Variants in SLC9A4 observed in about 807,000 individuals in gnomAD.
The protein encoded by SLC9A4 is sodium/hydrogen exchanger 4.
SLC9A4 carries 63 observed loss-of-function variants against 67.4 expected under a neutral mutation model. The observed-to-expected ratio is 0.93, with a 90% confidence interval of 0.76 to 1.15. SLC9A4 has a LOEUF of 1.15. Ranked by LOEUF, SLC9A4 falls within the 50% of genes most tolerant of loss-of-function variation. SLC9A4 has a pLI of 0.00. For missense variants in SLC9A4, 1,089 were observed against 987.7 expected (o/e 1.10, Z -1.38); for synonymous variants, 393 against 367.2 (o/e 1.07, Z -0.80).
At chr2:102,518,659 T>A (rs1685328340) in intron 8 of SLC9A4, among the ~76,000 whole-genome samples, 1 of 152,192 alleles carries the variant, frequency 6.6e-6, no homozygotes, top group African/African-American at 2.4e-5. Flanking sequence ...ATATCTTTTA[T>A]CAAATGTACA....
At chr2:102,527,757 A>C (rs1451128947) in intron 11 of SLC9A4, among the ~76,000 whole-genome samples, 1 of 152,236 alleles carries the variant, frequency 6.6e-6, no homozygotes, top group East Asian at 1.9e-4. Context: ...ACTTTTGAGT[A>C]ATCTGTGATA....
intron 2 of SLC9A4, among the ~76,000 whole-genome samples, chr2:102,498,007 G>C (rs1322597854): frequency 6.6e-6 from 1 of 152,150 alleles, no homozygotes; most frequent in Non-Finnish European, 1.5e-5. Flanking sequence ...TGGAAGGCTT[G>C]GAAAATCTGT....
intron 11 of SLC9A4, among the ~76,000 whole-genome samples, chr2:102,529,018 C>T (rs530810430): frequency 2.0e-4 from 31 of 152,274 alleles, no homozygotes; most frequent in African/African-American, 7.2e-4. Context: ...ATGCAGGATA[C>T]GCATATGAAC....
chr2:102,518,598 T>C (rs1238183768), intron 8 of SLC9A4, among the ~76,000 whole-genome samples: 2 of 152,230 alleles, frequency 1.3e-5, no homozygotes, highest in African/African-American at 4.8e-5. Flanking sequence ...ACAGATAGCA[T>C]TGCTAAACAA....
chr2:102,480,347 C>A (rs1187512911), intron 2 of SLC9A4, among the ~76,000 whole-genome samples: 1 of 149,774 alleles, frequency 6.7e-6, no homozygotes, highest in Non-Finnish European at 1.5e-5. Context: ...TATAACAAGT[C>A]TTTCCGTGTC....
intron 1 of SLC9A4, among the ~76,000 whole-genome samples, chr2:102,477,864 A>T (rs759381): frequency 0.77 from 116,836 of 152,078 alleles, 45,810 homozygotes; most frequent in African/African-American, 0.89. Context: ...TGAGCTCTGA[A>T]CTCTCACCAT....
intron 2 of SLC9A4, among the ~76,000 whole-genome samples, chr2:102,496,503 G>A (rs1684813791): frequency 6.6e-6 from 1 of 152,198 alleles, no homozygotes; most frequent in African/African-American, 2.4e-5. Context: ...GATATACCTA[G>A]TTTTTTAGAA....
At chr2:102,516,507 AGAT>A (rs1341168558) in intron 8 of SLC9A4, among the ~76,000 whole-genome samples, 2 of 152,334 alleles carry the variant, frequency 1.3e-5, no homozygotes, top group East Asian at 3.9e-4. Flanking sequence ...ATTCTGTATG[AGAT>A]GATAACAACA....
chr2:102,490,094 A>G (rs531510466), intron 2 of SLC9A4, among the ~76,000 whole-genome samples: 2 of 147,920 alleles, frequency 1.4e-5, no homozygotes, highest in South Asian at 2.1e-4. Context: ...TTAACTTCCA[A>G]CGTTTTTTTT....
chr2:102,524,569 TGTG>T (rs1674617983), intron 9 of SLC9A4, among the ~76,000 whole-genome samples: 1 of 151,846 alleles, frequency 6.6e-6, no homozygotes, highest in African/African-American at 2.4e-5. Flanking sequence ...TGTGTGTGTG[TGTG>T]TGTGTGTGTG....
At chr2:102,527,420 G>A (rs1161796191) in intron 11 of SLC9A4, among the ~76,000 whole-genome samples, 2 of 152,056 alleles carry the variant, frequency 1.3e-5, no homozygotes, top group African/African-American at 4.8e-5. Flanking sequence ...CATTTTTAAT[G>A]AGTTAATAAT....
rs771522321 is a variant in SLC9A4 at position 102,508,289 on chromosome 2, G to T, written c.1401+8G>T. 3.1e-6 allele frequency: 5 copies of T among 1,591,312 alleles called. No individual in the cohort carries two copies. Among genetic ancestry groups the T allele is most frequent in the Non-Finnish European group, 4.3e-6 (5 of 1,163,952 alleles). On this transcript the variant is annotated splice_region_variant and intron_variant, in intron 5 of 11. Transcript: ENST00000295269. The stretch of plus-strand genomic sequence containing the variant: ...TTTACTGTATTTATTCAGGTAAGTA[G>T]ATTTCCCTTATATTTAAATAAATAG...
intron 2 of SLC9A4, among the ~76,000 whole-genome samples, chr2:102,489,895 T>C (rs1417143334): frequency 6.6e-6 from 1 of 152,190 alleles, no homozygotes; most frequent in Non-Finnish European, 1.5e-5. Context: ...GAGAAGGTGG[T>C]TGCCAATAAA....
At chr2:102,528,612 A>G (rs1674716789) in intron 11 of SLC9A4, among the ~76,000 whole-genome samples, 2 of 152,298 alleles carry the variant, frequency 1.3e-5, no homozygotes, top group Non-Finnish European at 2.9e-5. Context: ...TGCCTATGGT[A>G]GCAGGAGATG....
At chr2:102,492,142 C>T (rs1464143831) in intron 2 of SLC9A4, among the ~76,000 whole-genome samples, 1 of 152,226 alleles carries the variant, frequency 6.6e-6, no homozygotes, top group Non-Finnish European at 1.5e-5. Flanking sequence ...CCCACCACCC[C>T]AGCTGCTTTC....
intron 6 of SLC9A4, 65 bp downstream of exon 6, chr2:102,508,998 A>G (rs6739301): frequency 0.75 from 1,025,334 of 1,363,102 alleles, 389,017 homozygotes; most frequent in Middle Eastern, 0.8. Flanking sequence ...ACCATGAGAC[A>G]TGTGCACGTG....
intron 2 of SLC9A4, among the ~76,000 whole-genome samples, chr2:102,497,011 C>T (rs140545806): frequency 9.2e-5 from 14 of 152,236 alleles, no homozygotes; most frequent in South Asian, 6.2e-4. Context: ...CTGCTCACTG[C>T]AATCTCCATC....
At position 102,479,189 on chromosome 2, in the gene SLC9A4, A is replaced by T; in HGVS notation, c.607A>T (p.Ile203Phe). The change falls in exon 2 of 12, where the codon ATC becomes TTC. Residue 203 changes from isoleucine to phenylalanine, a missense_variant. By Grantham distance (21) the Ile-to-Phe change is conservative. Transcript: ENST00000295269. ...GCAGAACCTGCTGTTCGGCAGCCTGATCTCCGCCGTGGACCCAGTGGCCGT... is the reference window on the plus strand; with the variant it reads ...GCAGAACCTGCTGTTCGGCAGCCTGTTCTCCGCCGTGGACCCAGTGGCCGT... Reference protein sequence around the residue: ...LLQNLLFGSLISAVDPVAVLA... With the variant: ...LLQNLLFGSLFSAVDPVAVLA... The T allele has an allele frequency of 6.2e-7, 1 of 1,614,140 alleles. No individual in the cohort carries two copies. The highest frequency in any genetic ancestry group is 1.3e-5 in the African/African-American group (1 of 75,046).
At position 102,533,292 on chromosome 2, in the gene SLC9A4, A is replaced by G. The variant is rs1357702925; in HGVS notation, c.*604A>G. The G allele has an allele frequency of 6.5e-6, 1 of 152,766 alleles. No individual in the cohort carries two copies. Among genetic ancestry groups the G allele is most frequent in the Non-Finnish European group, 1.5e-5 (1 of 68,364 alleles). The allele number at this position is 152,766 out of a possible 1,614,324, so 9.5% of individuals were successfully genotyped here. A position where few individuals can be genotyped will look rare whatever the true frequency, so the allele number is the denominator to read the frequency against. Reference sequence around the variant, plus strand: ...TCAGTAGCAATGATAGATGTGATGCATACTATAGGATTAATCTGTGAACAA... The same window carrying G: ...TCAGTAGCAATGATAGATGTGATGCGTACTATAGGATTAATCTGTGAACAA... On this transcript the variant is annotated 3_prime_UTR_variant, in exon 12 of 12. Coordinates refer to ENST00000295269, the MANE Select transcript of SLC9A4 (RefSeq NM_001011552.4).
Sources: gnomAD v4.1 joint callset for allele counts (sites outside exome capture counted in the v4.1 genomes callset) on GRCh38, gnomAD v4.1.1 for gene constraint, MANE v1.5 for transcripts, NCBI Gene and HGNC (gene_info 2026-07-23, HGNC 2026-07-21) for gene names.